CFAP299: variants seen among roughly 807,000 people sequenced by gnomAD.
CFAP299 encodes the protein cilia- and flagella-associated protein 299.
CFAP299 carries 21 observed loss-of-function variants against 27.0 expected under a neutral mutation model. The observed-to-expected ratio is 0.78, with a 90% confidence interval of 0.55 to 1.12. CFAP299 has a LOEUF of 1.12. Ranked by LOEUF, CFAP299 falls within the 50% of genes most tolerant of loss-of-function variation. The probability of loss-of-function intolerance (pLI) is 0.00; values close to 1 mark genes in which losing one functional copy is unlikely to be tolerated. For synonymous variants in CFAP299, 104 were observed against 98.1 expected (o/e 1.06, Z -0.36); for missense variants, 310 against 276.6 (o/e 1.12, Z -0.86).
intron 2 of CFAP299, among the ~76,000 whole-genome samples, chr4:80,554,622 T>C (rs532325885): frequency 6.6e-6 from 1 of 152,128 alleles, no homozygotes; most frequent in East Asian, 1.9e-4. Context: ...TGATTCTTTC[T>C]ATCCATAAGC....
intron 3 of CFAP299, among the ~76,000 whole-genome samples, chr4:80,641,097 A>AT (rs1315138962): frequency 1.3e-5 from 2 of 152,324 alleles, no homozygotes; most frequent in Non-Finnish European, 2.9e-5. Context: ...ATCAAAGCAT[A>AT]TTTTAACTGA....
At chr4:80,471,674 T>TGATA (rs1730004644) in intron 2 of CFAP299, among the ~76,000 whole-genome samples, 1 of 151,636 alleles carries the variant, frequency 6.6e-6, no homozygotes, top group East Asian at 1.9e-4. Flanking sequence ...TTGAAAACAA[T>TGATA]GATATAAGGT....
chr4:80,638,522 AC>A lies in CFAP299; in HGVS notation c.333+55340del, dbSNP rs368287217. Among the ~76,000 whole-genome samples, 38 of 152,254 alleles carry A rather than the reference AC, an allele frequency of 2.5e-4. No homozygotes were observed. In the East Asian group the frequency reaches 6.4e-3, roughly 25 times the overall value. On this transcript the variant is annotated intron_variant, in intron 3 of 5. Transcript: ENST00000358105. ...ACTAGAGATCTCCGAAATCAGAAACACTAGAGCAGGCCTATTCAATGACTTA... is the reference window on the plus strand; with the variant it reads ...ACTAGAGATCTCCGAAATCAGAAACATAGAGCAGGCCTATTCAATGACTTA...
chr4:80,545,760 T>G (rs1242864811), intron 2 of CFAP299, among the ~76,000 whole-genome samples: 2 of 152,148 alleles, frequency 1.3e-5, no homozygotes, highest in Non-Finnish European at 2.9e-5. Flanking sequence ...CAAGCATCAT[T>G]CTGATACCAA....
At chr4:80,557,656 C>T (rs572958135) in intron 2 of CFAP299, among the ~76,000 whole-genome samples, 1 of 152,028 alleles carries the variant, frequency 6.6e-6, no homozygotes, top group East Asian at 1.9e-4. Flanking sequence ...AGGTCCCATG[C>T]CAAAAGTATC....
At chr4:80,870,319 A>C in intron 4 of CFAP299, 184 bp downstream of exon 4, 1 of 1,251,370 alleles carries the variant, frequency 8.0e-7, no homozygotes, top group East Asian at 3.1e-5. Flanking sequence ...TTCCTTTAAC[A>C]GCCTGAGAAA....
At chr4:80,808,261 A>G (rs910855189) in intron 3 of CFAP299, among the ~76,000 whole-genome samples, 4 of 152,110 alleles carry the variant, frequency 2.6e-5, no homozygotes, top group Admixed American at 6.6e-5. Context: ...TTATTCAGTT[A>G]TTTTGGTTAC....
At chr4:80,511,382 G>C (rs1245365123) in intron 2 of CFAP299, among the ~76,000 whole-genome samples, 1 of 152,080 alleles carries the variant, frequency 6.6e-6, no homozygotes, top group Non-Finnish European at 1.5e-5. Context: ...GTACAATCCA[G>C]CTATATTTAA....
intron 3 of CFAP299, among the ~76,000 whole-genome samples, chr4:80,642,771 T>G (rs1321672542): frequency 6.6e-6 from 1 of 151,902 alleles, no homozygotes; most frequent in African/African-American, 2.4e-5. Flanking sequence ...TCAAAAAGAA[T>G]AAAAAAAGTA....
At chr4:80,327,800 G>T in the CFAP299 span, among the ~76,000 whole-genome samples, 2 of 119,100 alleles carry the variant, frequency 1.7e-5, no homozygotes, top group African/African-American at 3.0e-5. Flanking sequence ...TGAGGCAAAG[G>T]GGGAGAGGTT....
intron 4 of CFAP299, among the ~76,000 whole-genome samples, chr4:80,884,941 T>C (rs1392385747): frequency 1.3e-5 from 2 of 152,140 alleles, no homozygotes; most frequent in African/African-American, 4.8e-5. Flanking sequence ...TTCTTATCGC[T>C]AAAAGAAGCA....
At chr4:80,379,545 C>G (rs1164430908) in intron 2 of CFAP299, among the ~76,000 whole-genome samples, 1 of 151,874 alleles carries the variant, frequency 6.6e-6, no homozygotes, top group Non-Finnish European at 1.5e-5. Context: ...ATGTTTTCCT[C>G]TATGCACTGA....
intron 3 of CFAP299, among the ~76,000 whole-genome samples, chr4:80,713,850 G>A (rs972943455): frequency 6.6e-6 from 1 of 152,074 alleles, no homozygotes; most frequent in African/African-American, 2.4e-5. Context: ...TAAAAGAATC[G>A]AAGTAAATGC....
chr4:80,862,822 C>T (rs754555032), intron 3 of CFAP299, among the ~76,000 whole-genome samples: 2 of 151,882 alleles, frequency 1.3e-5, no homozygotes, highest in African/African-American at 4.8e-5. Context: ...TGTAAAACTG[C>T]GATTGACTGA....
chr4:80,912,487 C>T (rs909221300), intron 4 of CFAP299, among the ~76,000 whole-genome samples: 39 of 152,116 alleles, frequency 2.6e-4, no homozygotes, highest in African/African-American at 8.9e-4. Flanking sequence ...CAACAGTGCC[C>T]TTGGAGGACA....
intron 3 of CFAP299, among the ~76,000 whole-genome samples, chr4:80,698,269 A>AAATTAGTAGTTGTTATCACTATTTTCT (rs1289010821): frequency 6.6e-6 from 1 of 152,212 alleles, no homozygotes; most frequent in Non-Finnish European, 1.5e-5. Context: ...AAGTACCCCA[A>AAATTAGTAGTTGTTATCACTATTTTCT]AATTAGTAGT....
rs1456369261 is a variant in CFAP299, at chr4:80,736,712, G to C, written c.334-133281G>C. 5.9e-5 allele frequency among the ~76,000 whole-genome samples: 9 copies of C among 152,292 alleles called. 1 individual carries two copies. The highest frequency in any genetic ancestry group is 2.0e-4 in the Admixed American group (3 of 15,288). ...AAATAGGAACACTTTTACACTGTTGGTGGGACTGTAAACTAGTTCAACCAC... is the reference window on the plus strand; with the variant it reads ...AAATAGGAACACTTTTACACTGTTGCTGGGACTGTAAACTAGTTCAACCAC... On this transcript the variant is annotated intron_variant, in intron 3 of 5. Transcript: ENST00000358105.
chr4:80,539,636 G>A (rs1389850441), intron 2 of CFAP299, among the ~76,000 whole-genome samples: 2 of 152,108 alleles, frequency 1.3e-5, no homozygotes, highest in African/African-American at 4.8e-5. Flanking sequence ...GGAATTTGTT[G>A]GAGAATTTGT....
intron 3 of CFAP299, among the ~76,000 whole-genome samples, chr4:80,640,892 GA>G (rs1186237040): frequency 6.6e-6 from 1 of 152,110 alleles, no homozygotes; most frequent in African/African-American, 2.4e-5. Flanking sequence ...AAATCCAGAT[GA>G]AAATATTTTA....
Sources: gnomAD v4.1 joint callset for allele counts (sites outside exome capture counted in the v4.1 genomes callset) on GRCh38, gnomAD v4.1.1 for gene constraint, MANE v1.5 for transcripts, NCBI Gene and HGNC (gene_info 2026-07-23, HGNC 2026-07-21) for gene names.